COBLL1: variants seen among roughly 807,000 people sequenced by gnomAD.
COBLL1 encodes the protein cordon-bleu WH2 repeat protein like 1.
A neutral mutation model predicts 94.8 loss-of-function variants in COBLL1; 50 were observed. That is an observed-to-expected ratio of 0.53 (90% CI 0.42 to 0.67). The LOEUF (loss-of-function observed/expected upper bound fraction) is 0.67. Ranked by LOEUF, COBLL1 falls within the 30% of genes least tolerant of loss-of-function variation. The pLI, the probability that COBLL1 is intolerant of heterozygous loss-of-function variation, is 0.00. For synonymous variants in COBLL1, 448 were observed against 473.8 expected (o/e 0.95, Z 0.71); for missense variants, 1,362 against 1,348.7 (o/e 1.01, Z -0.15).
intron 2 of COBLL1, among the ~76,000 whole-genome samples, chr2:164,827,189 T>C (rs550993572): frequency 3.6e-4 from 55 of 152,258 alleles, no homozygotes; most frequent in African/African-American, 1.2e-3. Flanking sequence ...ACTCAAGTGA[T>C]CCACCCACCT....
chr2:164,838,973 A>G (rs1683453724), intron 2 of COBLL1, among the ~76,000 whole-genome samples: 1 of 152,206 alleles, frequency 6.6e-6, no homozygotes, highest in African/African-American at 2.4e-5. Flanking sequence ...GAGAAGCAAT[A>G]CTGAATATTA....
chr2:164,808,990 A>C (rs1684328392), intron 2 of COBLL1, among the ~76,000 whole-genome samples: 1 of 152,162 alleles, frequency 6.6e-6, no homozygotes. Flanking sequence ...GTTGGAAAGC[A>C]GCACTAGAGC....
chr2:164,662,465 G>GTGTA (rs1691085711), intron 2 of COBLL1, among the ~76,000 whole-genome samples: 1 of 152,180 alleles, frequency 6.6e-6, no homozygotes, highest in Non-Finnish European at 1.5e-5. Context: ...AGTACTCCCT[G>GTGTA]TGTAACATGG....
intron 2 of COBLL1, among the ~76,000 whole-genome samples, chr2:164,786,268 G>A (rs1688950953): frequency 6.6e-6 from 1 of 152,144 alleles, no homozygotes; most frequent in Admixed American, 6.6e-5. Context: ...TTGCTAGAGA[G>A]CATAGGAGCT....
Position 164,730,172 on chromosome 2 carries a change from C to T in COBLL1, c.231-57G>A, listed in dbSNP as rs960151923. On this transcript the variant is annotated intron_variant, in intron 3 of 13. Transcript: ENST00000652658. ...TTGTTTTGAGGATTTTCTTAGAATG[C>T]TTGTCTTCAATAGATAAACAAGTCT... is the stretch of plus-strand genomic sequence containing the variant. 1.3e-5 allele frequency: 18 copies of T among 1,421,960 alleles called. No homozygotes were observed. The Admixed American group carries it at 1.9e-4, about 15-fold the overall frequency. 88.1% of individuals were successfully genotyped at this position (1,421,960 alleles called of 1,614,324 possible).
At chr2:164,729,510 C>A (rs890851646) in intron 4 of COBLL1, among the ~76,000 whole-genome samples, 1 of 150,640 alleles carries the variant, frequency 6.6e-6, no homozygotes, top group Non-Finnish European at 1.5e-5. Flanking sequence ...GAAAAAAAAA[C>A]AAAAACACAC....
At chr2:164,678,886 G>C (rs1486540552), downstream of COBLL1, among the ~76,000 whole-genome samples, 1 of 152,128 alleles carries the variant, frequency 6.6e-6, no homozygotes, top group Non-Finnish European at 1.5e-5. Flanking sequence ...CACAGTGCCT[G>C]TTGGAAAGAA....
chr2:164,834,682 T>C (rs755542787), intron 2 of COBLL1, among the ~76,000 whole-genome samples: 3 of 152,242 alleles, frequency 2.0e-5, no homozygotes, highest in East Asian at 1.9e-4. Context: ...ATGGTCTTTA[T>C]CTGGACTACT....
intron 1 of COBLL1, among the ~76,000 whole-genome samples, chr2:164,671,994 A>C (rs1299985241): frequency 6.6e-6 from 1 of 152,182 alleles, no homozygotes; most frequent in Non-Finnish European, 1.5e-5. Context: ...GGCAGTGTGT[A>C]TGGTCAGTCT....
At chr2:164,784,271 C>T (rs1484509367) in intron 2 of COBLL1, among the ~76,000 whole-genome samples, 1 of 152,140 alleles carries the variant, frequency 6.6e-6, no homozygotes, top group Admixed American at 6.5e-5. Flanking sequence ...GGAGTAGTAT[C>T]ACCATACTGC....
rs1466710224 is a variant in COBLL1 at position 164,704,509 on chromosome 2, G to A, written c.1160C>T (p.Pro387Leu). Residue 387 changes from proline (P) to leucine (L), a missense_variant, in exon 9 of 14, where the codon CCA (proline) becomes CTA (leucine). Transcript: ENST00000652658. ...ACTGTCTGGAGGAACTCCATCTACTGGCTGTAAGGCTAAAGGAAAGAAGCA... is the reference window on the plus strand; with the variant it reads ...ACTGTCTGGAGGAACTCCATCTACTAGCTGTAAGGCTAAAGGAAAGAAGCA... Reference protein sequence around the residue: ...DENSRVTALQPVDGVPPDSAS... With the variant: ...DENSRVTALQLVDGVPPDSAS... The A allele has an allele frequency of 6.2e-7, 1 of 1,612,316 alleles. No homozygotes were observed. Among genetic ancestry groups the A allele is most frequent in the African/African-American group, 1.3e-5 (1 of 74,998 alleles).
rs56773751 is a variant in COBLL1, at chr2:164,789,020, A to AACACACACAC, written c.42-45155_42-45146dup. 2.7e-3 allele frequency among the ~76,000 whole-genome samples: 377 copies of AACACACACAC among 141,648 alleles called. 4 individuals are homozygous for AACACACACAC. Among genetic ancestry groups the AACACACACAC allele is most frequent in the Admixed American group, 0.014 (188 of 13,850 alleles). The allele number at this position is 141,648 out of a possible 152,430, so 92.9% of individuals were successfully genotyped here. A position where few individuals can be genotyped will look rare whatever the true frequency, so the allele number is the denominator to read the frequency against. On this transcript the variant is annotated intron_variant, in intron 2 of 13. Transcript: ENST00000652658. The stretch of plus-strand genomic sequence containing the variant: ...GATTACCTGTAGGAGTAGAGGTTTA[A>AACACACACAC]ACACACACACACACACACACACACA...
intron 2 of COBLL1, among the ~76,000 whole-genome samples, chr2:164,780,362 A>G (rs1194013407): frequency 6.6e-6 from 1 of 152,196 alleles, no homozygotes; most frequent in Non-Finnish European, 1.5e-5. Context: ...CTGGGAATGA[A>G]AGGAATTCCA....
chr2:164,694,984 C>T lies in COBLL1; in HGVS notation c.2408G>A (p.Arg803Lys). The stretch of plus-strand genomic sequence containing the variant: ...AGAACTGGGCACTTGATGCTCTGTT[C>T]TCAGGTTAGGCTTCGGTTTAAGGTT... ...LPNLKPKPNL[R>K]TEHQVPSSVS... The change falls in exon 12 of 14, where the codon AGA becomes AAA. Residue 803 changes from arginine (R) to lysine (K), a missense_variant. Coordinates refer to ENST00000652658, the MANE Select transcript of COBLL1 (RefSeq NM_001365672.2). The T allele has an allele frequency of 6.2e-7, 1 of 1,614,004 alleles. No homozygotes were observed.
At chr2:164,771,857 ATAAT>A (rs1688220789) in intron 2 of COBLL1, 1 of 152,066 alleles carries the variant, frequency 6.6e-6, no homozygotes. Flanking sequence ...AGATTAATGC[ATAAT>A]TATTTCAAAC....
chr2:164,800,745 C>G (rs181031465), intron 2 of COBLL1, among the ~76,000 whole-genome samples: 1 of 151,940 alleles, frequency 6.6e-6, no homozygotes, highest in Non-Finnish European at 1.5e-5. Flanking sequence ...CACTGACACA[C>G]GTAAAAGTTA....
At chr2:164,710,264 C>T (rs1279438185) in intron 7 of COBLL1, among the ~76,000 whole-genome samples, 3 of 151,940 alleles carry the variant, frequency 2.0e-5, no homozygotes, top group East Asian at 1.9e-4. Context: ...CTTGGGGAGG[C>T]GCGGTAAAGT....
intron 2 of COBLL1, among the ~76,000 whole-genome samples, chr2:164,768,767 T>C (rs355848): frequency 0.23 from 35,462 of 152,080 alleles, 4,796 homozygotes; most frequent in African/African-American, 0.37. Context: ...ATAAGTAATA[T>C]GTATTGACAA....
rs771185471 is a variant in COBLL1 at position 164,695,279 on chromosome 2, G to T, written c.2113C>A (p.Pro705Thr). ...NSTASYLKNY[P>T]LYRQDYNPKP... ...GGATTGTAGTCCTGTCTATAAAGTG[G>T]GTAATTCTTTAGGTAAGAAGCAGTG... Residue 705 changes from proline (P) to threonine (T), a missense_variant, in exon 12 of 14, where the codon CCA (proline) becomes ACA (threonine). By Grantham distance (38) the Pro-to-Thr change is conservative (BLOSUM62 -1). Coordinates refer to ENST00000652658, the MANE Select transcript of COBLL1 (RefSeq NM_001365672.2). 1 of 1,613,796 alleles carries T rather than the reference G, an allele frequency of 6.2e-7. No individual in the cohort carries two copies. Among genetic ancestry groups the T allele is most frequent in the South Asian group, 1.1e-5 (1 of 91,068 alleles).
Sources: gnomAD v4.1 joint callset for allele counts (sites outside exome capture counted in the v4.1 genomes callset) on GRCh38, gnomAD v4.1.1 for gene constraint, MANE v1.5 for transcripts, NCBI Gene and HGNC (gene_info 2026-07-23, HGNC 2026-07-21) for gene names.